The following C8B variants were observed in gnomAD, a reference collection of about 807,000 sequenced individuals.
The protein encoded by C8B is complement C8 beta chain.
A neutral mutation model predicts 64.6 loss-of-function variants in C8B; 67 were observed. The observed-to-expected ratio is 1.04, with a 90% CI of 0.85 to 1.27. The LOEUF is 1.27. Among genes scored for constraint, C8B ranks in the 50% most tolerant of loss-of-function variants. C8B has a pLI of 0.00. For missense variants in C8B, 790 were observed against 725.2 expected, an observed-to-expected ratio of 1.09 and a Z score of -1.03; for synonymous variants, 284 against 257.7, an observed-to-expected ratio of 1.10 and a Z score of -0.98.
At chr1:56,945,731 G>T in intron 7 of C8B, 90 bp downstream of exon 7, 1 of 1,514,814 alleles carries the variant, frequency 6.6e-7, no homozygotes, top group Non-Finnish European at 9.2e-7. Flanking sequence ...CTGTGAAGGT[G>T]TAGCCAGGAA....
chr1:56,954,777 C>T lies in C8B; in HGVS notation c.442G>A (p.Asp148Asn), dbSNP rs1360423598. The change falls in exon 4 of 12, where the codon GAC (aspartate) becomes AAC (asparagine). Residue 148 changes from aspartate (D) to asparagine (N), a missense_variant. Transcript: ENST00000371237. Reference sequence around the variant, plus strand: ...CTACAGTTTGCTTCATCTGACTGGTCTCCACAGTCATTGTCCCCATTGCAA... The same window carrying T: ...CTACAGTTTGCTTCATCTGACTGGTTTCCACAGTCATTGTCCCCATTGCAA... ...LLCNGDNDCG[D>N]QSDEANCRRI... The T allele has an allele frequency of 6.2e-7, 1 of 1,613,992 alleles. No individual in the cohort carries two copies. Among genetic ancestry groups the T allele is most frequent in the Admixed American group, 1.7e-5 (1 of 60,022 alleles).
chr1:56,941,811 C>T (rs626457), intron 8 of C8B, among the ~76,000 whole-genome samples: 48,402 of 152,040 alleles, frequency 0.32, 8,233 homozygotes, highest in East Asian at 0.52. Flanking sequence ...TTCCTCTCTC[C>T]AAACTGGCTC....
intron 4 of C8B, 110 bp downstream of exon 4, chr1:56,954,576 G>T: frequency 7.0e-7 from 1 of 1,438,384 alleles, no homozygotes; most frequent in Non-Finnish European, 9.8e-7. Flanking sequence ...TCTTTTCTCA[G>T]AAAGGTGAGT....
chr1:56,938,919 T>C (rs1644811620), intron 9 of C8B, among the ~76,000 whole-genome samples: 1 of 151,718 alleles, frequency 6.6e-6, no homozygotes, highest in Non-Finnish European at 1.5e-5. Context: ...GAGAGTGGGA[T>C]GCCCAGAGTG....
At chr1:56,933,931 G>A (rs750151581) in intron 9 of C8B, among the ~76,000 whole-genome samples, 41 of 152,046 alleles carry the variant, frequency 2.7e-4, no homozygotes, top group East Asian at 1.9e-4. Context: ...CAGCTCTTTG[G>A]AAGGATTATA....
At position 56,954,701 on chromosome 1, in the gene C8B, C is replaced by A; in HGVS notation, c.518G>T (p.Gly173Val). 1 of 1,614,170 alleles carries A rather than the reference C, an allele frequency of 6.2e-7. No individual in the cohort carries two copies. Among genetic ancestry groups the A allele is most frequent in the Non-Finnish European group, 8.5e-7 (1 of 1,180,006 alleles). Residue 173 changes from glycine (G) to valine (V), a missense_variant, in exon 4 of 12, where the codon GGC (glycine) becomes GTC (valine). Transcript: ENST00000371237. ...QHEMDQYWGI[G>V]SLASGINLFT... ...GGTCACTTACCCACTGGCCAGACTGCCAATTCCCCAGTATTGGTCCATTTC... is the reference window on the plus strand; with the variant it reads ...GGTCACTTACCCACTGGCCAGACTGACAATTCCCCAGTATTGGTCCATTTC...
chr1:56,933,825 A>T (rs1037015334), intron 9 of C8B, among the ~76,000 whole-genome samples: 1 of 152,212 alleles, frequency 6.6e-6, no homozygotes, highest in Admixed American at 6.5e-5. Flanking sequence ...TGGTGGATAC[A>T]GGCACCAGCA....
chr1:56,965,398 A>AGTGTGTGTGTGTGTGT (rs56761445), intron 1 of C8B, among the ~76,000 whole-genome samples: 5 of 142,676 alleles, frequency 3.5e-5, no homozygotes, highest in African/African-American at 5.3e-5. Flanking sequence ...AGAGAGAGAG[A>AGTGTGTGTGTGTGTGT]GTGTGTGTGT....
intron 3 of C8B, among the ~76,000 whole-genome samples, chr1:56,955,706 A>G (rs777201668): frequency 1.3e-5 from 2 of 152,240 alleles, no homozygotes; most frequent in Non-Finnish European, 2.9e-5. Flanking sequence ...CCACGGATAC[A>G]CTGTAAAAAG....
rs143870427 is a variant in C8B, at chr1:56,952,129, A to G, written c.585T>C (p.Tyr195=). 1.4e-4 allele frequency: 219 copies of G among 1,614,186 alleles called. No homozygotes were observed. The African/African-American group carries it at 2.5e-3, about 18-fold the overall frequency. ...SFEGPVLDHR[Y]YAGGCSPHYI... is the part of the protein sequence containing the mutation. ...AATGCGGGGAGCATCCACCTGCATA[A>G]TACCTGTGATCAAGAACTGGGCCCT... Residue 195 remains tyrosine (Y), a synonymous_variant, in exon 5 of 12, where the codon TAT becomes TAC. Transcript: ENST00000371237.
chr1:56,954,653 TC>T, intron 4 of C8B, 32 bp downstream of exon 4: 2 of 1,613,780 alleles, frequency 1.2e-6, no homozygotes, highest in Non-Finnish European at 1.7e-6. Context: ...TGCTGTGCCT[TC>T]CCATCTACGC....
At chr1:56,961,378 C>T (rs1424602739) in intron 1 of C8B, among the ~76,000 whole-genome samples, 1 of 152,190 alleles carries the variant, frequency 6.6e-6, no homozygotes, top group Non-Finnish European at 1.5e-5. Context: ...CTTCTATTTT[C>T]ACAGCAATGC....
intron 9 of C8B, among the ~76,000 whole-genome samples, chr1:56,938,317 G>A (rs996063311): frequency 1.3e-5 from 2 of 152,066 alleles, no homozygotes; most frequent in Non-Finnish European, 2.9e-5. Flanking sequence ...CAATTCTGTC[G>A]TTTATAGCTT....
intron 9 of C8B, among the ~76,000 whole-genome samples, chr1:56,936,066 C>T (rs1644770812): frequency 6.6e-6 from 1 of 152,200 alleles, no homozygotes; most frequent in African/African-American, 2.4e-5. Context: ...TAGGACATTT[C>T]CTTTCTTTCT....
chr1:56,944,238 G>A (rs749467936), intron 7 of C8B, among the ~76,000 whole-genome samples: 3 of 150,026 alleles, frequency 2.0e-5, no homozygotes, highest in Non-Finnish European at 4.5e-5. Context: ...TTAATTAGTT[G>A]AGAAAATGCA....
Position 56,945,938 on chromosome 1 carries a change from A to G in C8B, c.988T>C (p.Tyr330His). ...CGGAAGAGATCTCTGTATTCCCCGTAGCTGTACTCCAGGGGCAGCCGCTTA... is the reference window on the plus strand; with the variant it reads ...CGGAAGAGATCTCTGTATTCCCCGTGGCTGTACTCCAGGGGCAGCCGCTTA... ...RVKRLPLEYS[Y>H]GEYRDLFRDF... Residue 330 changes from tyrosine (Y) to histidine (H), a missense_variant, in exon 7 of 12, where the codon TAC becomes CAC. Transcript: ENST00000371237. 2 of 1,614,128 alleles carry G rather than the reference A, an allele frequency of 1.2e-6. No individual in the cohort carries two copies. The highest frequency in any genetic ancestry group is 1.7e-6 in the Non-Finnish European group (2 of 1,180,006).
intron 11 of C8B, among the ~76,000 whole-genome samples, chr1:56,930,107 GAATA>G (rs1453855707): frequency 6.6e-6 from 1 of 152,200 alleles, no homozygotes; most frequent in Non-Finnish European, 1.5e-5. Flanking sequence ...ATGAATGGAT[GAATA>G]AATAAATGAA....
chr1:56,965,396 A>AGCGT (rs762224735), intron 1 of C8B, among the ~76,000 whole-genome samples: 2 of 84,304 alleles, frequency 2.4e-5, no homozygotes, highest in African/African-American at 8.6e-5. Flanking sequence ...AGAGAGAGAG[A>AGCGT]GAGTGTGTGT....
chr1:56,960,832 C>G (rs765172722), intron 1 of C8B, among the ~76,000 whole-genome samples: 2 of 152,054 alleles, frequency 1.3e-5, no homozygotes, highest in Non-Finnish European at 2.9e-5. Context: ...GAAAATAAAT[C>G]TTGATGGGGA....
Sources: gnomAD v4.1 joint callset for allele counts (sites outside exome capture counted in the v4.1 genomes callset) on GRCh38, gnomAD v4.1.1 for gene constraint, MANE v1.5 for transcripts, NCBI Gene and HGNC (gene_info 2026-07-23, HGNC 2026-07-21) for gene names.